BRINP3: variants seen among roughly 807,000 people sequenced by gnomAD.
The protein encoded by BRINP3 is BMP/retinoic acid inducible neural specific 3.
BRINP3 carries 19 observed loss-of-function variants against 71.0 expected under a neutral mutation model. The ratio of observed to expected loss-of-function variants is 0.27; its 90% CI spans 0.19 to 0.39. The LOEUF is 0.39. Ranked by LOEUF, BRINP3 falls within the 10% of genes least tolerant of loss-of-function variation. The pLI, the probability that BRINP3 is intolerant of heterozygous loss-of-function variation, is 1.00. For synonymous variants in BRINP3, 380 were observed against 337.7 expected, an observed-to-expected ratio of 1.13 and a Z score of -1.37; for missense variants, 959 against 940.8, an observed-to-expected ratio of 1.02 and a Z score of -0.25.
In BRINP3 at chr1:190,300,078, T is replaced by C. The variant is rs572769786; in HGVS notation, c.237-18328A>G. On this transcript the variant is annotated intron_variant, in intron 2 of 7. Transcript: ENST00000367462. ...TCTTTGTGGCGTTCTCTGTATTTCC[T>C]GAATCTGAATGTTGGCCTGCCTTGC... Among the ~76,000 whole-genome samples the C allele has an allele frequency of 1.1e-4, 17 of 152,242 alleles. No individual in the cohort carries two copies. In the South Asian group the frequency reaches 3.5e-3, roughly 32 times the overall value.
intron 2 of BRINP3, among the ~76,000 whole-genome samples, chr1:190,314,560 G>C (rs1665754893): frequency 6.6e-6 from 1 of 152,112 alleles, no homozygotes; most frequent in Non-Finnish European, 1.5e-5. Flanking sequence ...TGGACTAATG[G>C]GGGCATTAGC....
chr1:190,344,621 T>C (rs1343001216), intron 2 of BRINP3, among the ~76,000 whole-genome samples: 1 of 151,884 alleles, frequency 6.6e-6, no homozygotes, highest in Non-Finnish European at 1.5e-5. Flanking sequence ...CTTCCATTCA[T>C]CTTGAAAAAT....
intron 3 of BRINP3, among the ~76,000 whole-genome samples, chr1:190,272,296 A>G (rs1244271019): frequency 6.6e-6 from 1 of 151,498 alleles, no homozygotes; most frequent in Non-Finnish European, 1.5e-5. Context: ...ATAATTCTAA[A>G]GGCAATATGA....
chr1:190,171,422 T>C (rs973303289), intron 6 of BRINP3, among the ~76,000 whole-genome samples: 2 of 152,142 alleles, frequency 1.3e-5, no homozygotes, highest in Non-Finnish European at 2.9e-5. Context: ...TTGCCACTAC[T>C]CTCCTCTTGT....
At chr1:190,380,027 G>GA (rs66528376) in intron 2 of BRINP3, among the ~76,000 whole-genome samples, 18 of 139,544 alleles carry the variant, frequency 1.3e-4, no homozygotes, top group Admixed American at 2.2e-4. Context: ...AAAGAAAAAA[G>GA]AAAAAAAAAA....
intron 3 of BRINP3, among the ~76,000 whole-genome samples, chr1:190,280,430 C>T (rs1429902129): frequency 6.6e-6 from 1 of 151,422 alleles, no homozygotes; most frequent in African/African-American, 2.4e-5. Context: ...TTTAAAAGAG[C>T]TGTGTGGAGA....
Position 190,382,541 on chromosome 1 carries a change from C to G in BRINP3, c.236+72114G>C, listed in dbSNP as rs200965788. 2.6e-5 allele frequency among the ~76,000 whole-genome samples: 4 copies of G among 152,026 alleles called. No individual in the cohort carries two copies. In the East Asian group the frequency reaches 7.7e-4, roughly 29 times the overall value. ...TTGATTTATTTAAAGGTGAGGAAAA[C>G]GGACACTCATTCCTTAATCTTCCCG... On this transcript the variant is annotated intron_variant, in intron 2 of 7. Transcript: ENST00000367462.
In BRINP3 at chr1:190,454,233, G is replaced by A. The variant is rs538167126; in HGVS notation, c.236+422C>T. 6.6e-5 allele frequency among the ~76,000 whole-genome samples: 10 copies of A among 152,186 alleles called. 1 individual carries two copies. In the South Asian group the frequency reaches 2.1e-3, roughly 32 times the overall value. On this transcript the variant is annotated intron_variant, in intron 2 of 7. Coordinates refer to ENST00000367462, the MANE Select transcript of BRINP3 (RefSeq NM_199051.3). Reference sequence around the variant, plus strand: ...TACAATTACCTTTCAGGTAAAAAAGGATGAGGTGACTCAACTTCTCAGTGA... The same window carrying A: ...TACAATTACCTTTCAGGTAAAAAAGAATGAGGTGACTCAACTTCTCAGTGA...
At chr1:190,185,205 A>T (rs1403017883) in intron 6 of BRINP3, among the ~76,000 whole-genome samples, 3 of 152,186 alleles carry the variant, frequency 2.0e-5, no homozygotes, top group Non-Finnish European at 4.4e-5. Context: ...CAAATATTTT[A>T]TATCTGATAA....
At chr1:190,280,552 T>A (rs1662958521) in intron 3 of BRINP3, among the ~76,000 whole-genome samples, 1 of 151,674 alleles carries the variant, frequency 6.6e-6, no homozygotes, top group African/African-American at 2.4e-5. Context: ...GTGTAAAAAA[T>A]TGACATGACT....
At chr1:190,296,228 A>C (rs1664244792) in intron 2 of BRINP3, among the ~76,000 whole-genome samples, 1 of 124,610 alleles carries the variant, frequency 8.0e-6, no homozygotes, top group South Asian at 2.5e-4. Context: ...ACAAACATTA[A>C]AAATTAAAAA....
intron 2 of BRINP3, among the ~76,000 whole-genome samples, chr1:190,410,449 T>TA (rs1449876032): frequency 6.6e-6 from 1 of 152,050 alleles, no homozygotes; most frequent in African/African-American, 2.4e-5. Flanking sequence ...AAGAAAGAGA[T>TA]AAAAAATATT....
intron 2 of BRINP3, among the ~76,000 whole-genome samples, chr1:190,345,933 CTTAAATAGTTT>C (rs1369853036): frequency 6.6e-6 from 1 of 151,612 alleles, no homozygotes; most frequent in Non-Finnish European, 1.5e-5. Flanking sequence ...ATAAAGATAG[CTTAAATAGTTT>C]AATTTTAAAA....
At chr1:190,362,455 G>C (rs962506423) in intron 2 of BRINP3, among the ~76,000 whole-genome samples, 5 of 152,120 alleles carry the variant, frequency 3.3e-5, no homozygotes, top group African/African-American at 1.2e-4. Flanking sequence ...CAAAATGTTA[G>C]GAATTTCTTG....
chr1:190,279,498 G>A (rs779400802), intron 3 of BRINP3, among the ~76,000 whole-genome samples: 6 of 151,838 alleles, frequency 4.0e-5, no homozygotes, highest in Admixed American at 2.0e-4. Flanking sequence ...AAGACGGGGA[G>A]GGAGAATCAG....
At position 190,445,471 on chromosome 1, in the gene BRINP3, T is replaced by A. The variant is rs148839665; in HGVS notation, c.236+9184A>T. 1.9e-3 allele frequency among the ~76,000 whole-genome samples: 285 copies of A among 152,248 alleles called. 1 individual carries two copies. Among genetic ancestry groups the A allele is most frequent in the African/African-American group, 6.2e-3 (257 of 41,564 alleles). On this transcript the variant is annotated intron_variant, in intron 2 of 7. Transcript: ENST00000367462. Reference sequence around the variant, plus strand: ...ATAATGAATGTAATTTTAGAATCTTTTGTAACTTAGTGAGAAACATCATAA... The same window carrying A: ...ATAATGAATGTAATTTTAGAATCTTATGTAACTTAGTGAGAAACATCATAA...
chr1:190,352,568 C>T (rs775828768), intron 2 of BRINP3, among the ~76,000 whole-genome samples: 3 of 151,860 alleles, frequency 2.0e-5, no homozygotes, highest in Non-Finnish European at 4.4e-5. Flanking sequence ...TTGAAGTAAA[C>T]ATATCATATT....
chr1:190,255,219 T>C (rs2102833647), intron 4 of BRINP3, among the ~76,000 whole-genome samples: 1 of 151,536 alleles, frequency 6.6e-6, no homozygotes, highest in East Asian at 2.0e-4. Context: ...ATCAGGGATA[T>C]TGGTCTAAAA....
At chr1:190,383,489 T>C (rs1670682727) in intron 2 of BRINP3, among the ~76,000 whole-genome samples, 1 of 152,070 alleles carries the variant, frequency 6.6e-6, no homozygotes, top group Admixed American at 6.6e-5. Context: ...TTCCAGAACA[T>C]ATAAACTATA....
Sources: allele counts gnomAD v4.1 joint callset (sites outside exome capture counted in the v4.1 genomes callset), GRCh38; gene constraint gnomAD v4.1.1; transcripts MANE v1.5; gene names NCBI Gene and HGNC (gene_info 2026-07-23, HGNC 2026-07-21).